TP53I3: variants seen among roughly 807,000 people sequenced by gnomAD.
The protein encoded by TP53I3 is quinone oxidoreductase PIG3.
In TP53I3, 32 loss-of-function variants were observed where a neutral mutation model predicts 27.7. The ratio of observed to expected loss-of-function variants is 1.16; its 90% CI spans 0.87 to 1.55. TP53I3 has a LOEUF of 1.55. Among genes scored for constraint, TP53I3 ranks in the 40% most tolerant of loss-of-function variants. TP53I3 has a pLI of 0.00. For missense variants in TP53I3, 372 were observed against 412.3 expected, an observed-to-expected ratio of 0.90 and a Z score of 0.85; for synonymous variants, 138 against 167.8, an observed-to-expected ratio of 0.82 and a Z score of 1.37.
intron 3 of TP53I3, 32 bp from the exon 4 acceptor site, chr2:24,079,672 C>T: frequency 1.9e-6 from 3 of 1,599,256 alleles, no homozygotes; most frequent in Non-Finnish European, 2.6e-6. Context: ...TGATGCTAGT[C>T]AGCTTGGTGC....
intron 2 of TP53I3, among the ~76,000 whole-genome samples, chr2:24,081,647 A>ATCCT (rs1485207344): frequency 6.6e-6 from 1 of 150,878 alleles, no homozygotes. Flanking sequence ...CACAATAGTC[A>ATCCT]TCCTTCACTA....
rs35680500 is a variant in TP53I3 at position 24,080,441 on chromosome 2, T to TA, written c.619+377dup. Among the ~76,000 whole-genome samples the TA allele has an allele frequency of 2.0e-5, 3 of 152,048 alleles. No individual in the cohort carries two copies. The highest frequency in any genetic ancestry group is 2.0e-4 in the Admixed American group (3 of 15,262). The stretch of plus-strand genomic sequence containing the variant: ...GAATACAGAGGTGTGCACATCTACT[T>TA]ACTCATTTAGGGTGCTACCACCCAA... On this transcript the variant is annotated intron_variant, in intron 3 of 4. Transcript: ENST00000238721. This position sits in a 1 kb window ranked among gnomAD's most constrained non-coding sequence, Gnocchi z 4.7.
chr2:24,084,061 G>A lies in TP53I3; in HGVS notation c.138+128C>T, dbSNP rs1051964937. The A allele has an allele frequency of 9.6e-5, 133 of 1,384,632 alleles. No homozygotes were observed. Among genetic ancestry groups the A allele is most frequent in the Non-Finnish European group, 1.2e-4 (125 of 1,053,206 alleles). The allele number at this position is 1,384,632 out of a possible 1,614,324, so 85.8% of individuals were successfully genotyped here. A position where few individuals can be genotyped will look rare whatever the true frequency, so the allele number is the denominator to read the frequency against. Reference sequence around the variant, plus strand: ...GGCGCCCTGGGTTTAGGTCTGGGAAGCCCCAGCGCAGCTGCCTGCTGGGTG... The same window carrying A: ...GGCGCCCTGGGTTTAGGTCTGGGAAACCCCAGCGCAGCTGCCTGCTGGGTG... On this transcript the variant is annotated intron_variant, in intron 1 of 4. Coordinates refer to ENST00000238721, the MANE Select transcript of TP53I3 (RefSeq NM_004881.5). This position sits in a 1 kb window ranked among gnomAD's most constrained non-coding sequence, Gnocchi z 8.4.
Position 24,077,614 on chromosome 2 carries a change from TC to T in TP53I3, c.963del (p.Asn322ThrfsTer2). ...AGTTCCAGGACGATCTTGCCTATGT[TC>T]TTGTTGGCCTCCATGTACTTATGGG... Reference protein sequence around the residue: ...QEAHKYMEANKNIGKIVLELP... With the variant: ...QEAHKYMEANXNIGKIVLELP... On this transcript the variant is annotated frameshift_variant, in exon 5 of 5. Transcript: ENST00000238721. LOFTEE classifies it high-confidence loss of function. This position sits in a 1 kb window ranked among gnomAD's most constrained non-coding sequence, Gnocchi z 5.5. 2 of 1,614,014 alleles carry T rather than the reference TC, an allele frequency of 1.2e-6. No homozygotes were observed. Among genetic ancestry groups the T allele is most frequent in the Non-Finnish European group, 1.7e-6 (2 of 1,179,960 alleles).
In TP53I3 at chr2:24,084,350, GCAGGGCAGGACAGGA is replaced by G. The variant is rs753674306; in HGVS notation, c.-39_-25del. 10 of 1,399,502 alleles carry G rather than the reference GCAGGGCAGGACAGGA, an allele frequency of 7.1e-6. No homozygotes were observed. The Admixed American group carries it at 9.0e-5, about 13-fold the overall frequency. 86.7% of individuals were successfully genotyped at this position (1,399,502 alleles called of 1,614,324 possible). On this transcript the variant is annotated 5_prime_UTR_variant, in exon 1 of 5. Transcript: ENST00000238721. This position sits in a 1 kb window ranked among gnomAD's most constrained non-coding sequence, Gnocchi z 8.4. ...ATATTGTCTGAGGACACAGGGCAGG[GCAGGGCAGGACAGGA>G]CAGGGCAGGGCAGGGCAGGACAGGA...
Position 24,083,133 on chromosome 2 carries a change from G to A in TP53I3, c.158C>T (p.Pro53Leu), listed in dbSNP as rs199779930. 27 of 1,612,208 alleles carry A rather than the reference G, an allele frequency of 1.7e-5. No homozygotes were observed. Among genetic ancestry groups the A allele is most frequent in the Middle Eastern group, 1.7e-4 (1 of 6,052 alleles). Residue 53 changes from proline (P) to leucine (L), a missense_variant, in exon 2 of 5, where the codon CCA (proline) becomes CTA (leucine). Physicochemically the swap from Pro to Leu is moderately conservative, Grantham distance 98. Transcript: ENST00000238721. ...DLMQRQGQYD[P>L]PPGASNILGL... ...CAAAATGTTGCTGGCTCCTGGAGGT[G>A]GGTCATACTGGCCTTGTCTCTGCAG...
chr2:24,084,407 A>T lies in TP53I3; in HGVS notation c.-81T>A. The T allele has an allele frequency of 7.0e-7, 1 of 1,437,704 alleles. No homozygotes were observed. The highest frequency in any genetic ancestry group is 9.2e-7 in the Non-Finnish European group (1 of 1,081,098). 89.1% of individuals were successfully genotyped at this position (1,437,704 alleles called of 1,614,324 possible). On this transcript the variant is annotated 5_prime_UTR_variant, in exon 1 of 5. Coordinates refer to ENST00000238721, the MANE Select transcript of TP53I3 (RefSeq NM_004881.5). The surrounding 1 kb of genome is among the most constrained non-coding windows in gnomAD (Gnocchi z 8.4). ...AGGACAGGACAGGGCAGGGCAGGAC[A>T]GGACAGGGCAGGGGCCGCTGTATCC...
chr2:24,078,185 C>A (rs13415197), intron 4 of TP53I3, among the ~76,000 whole-genome samples: 17,760 of 151,960 alleles, frequency 0.12, 1,233 homozygotes, highest in South Asian at 0.18. Flanking sequence ...AGTTTTACAC[C>A]CCCCACCCCC....
chr2:24,078,617 C>T (rs1266512908), intron 4 of TP53I3, among the ~76,000 whole-genome samples: 1 of 152,108 alleles, frequency 6.6e-6, no homozygotes, highest in Non-Finnish European at 1.5e-5. Flanking sequence ...TCCCTTGTAC[C>T]TCCAAATGTG....
intron 2 of TP53I3, 21 bp downstream of exon 2, chr2:24,082,864 T>A: frequency 1.3e-6 from 2 of 1,582,040 alleles, no homozygotes; most frequent in Non-Finnish European, 1.7e-6. Context: ...TTGTGTGGAG[T>A]GAGCATGGAG....
rs138677805 is a variant in TP53I3 at position 24,080,835 on chromosome 2, C to T, written c.603G>A (p.Thr201=). Residue 201 remains threonine (T), a synonymous_variant, in exon 3 of 5, where the codon ACG becomes ACA. Transcript: ENST00000238721. This position sits in a 1 kb window ranked among gnomAD's most constrained non-coding sequence, Gnocchi z 4.7. ...GTTGTTTACCTTTGGTGAATTTCAG[C>T]GTTGCTTCAGAGAAATCCTCTTTTT... ...NYKKEDFSEA[T]LKFTKGAGVN... 5.2e-4 allele frequency: 833 copies of T among 1,614,142 alleles called. 6 individuals carry two copies. In the African/African-American group the frequency reaches 9.6e-3, roughly 19 times the overall value.
intron 4 of TP53I3, chr2:24,079,199 T>C (rs1664888525): frequency 8.1e-6 from 4 of 496,836 alleles, no homozygotes; most frequent in Non-Finnish European, 1.4e-5. Context: ...CTTTCTTCAT[T>C]CTGTTAGAAT....
chr2:24,081,791 G>C (rs141620611), intron 2 of TP53I3, among the ~76,000 whole-genome samples: 1 of 150,404 alleles, frequency 6.6e-6, no homozygotes, highest in Admixed American at 6.6e-5. Flanking sequence ...CCCCCCCTGC[G>C]TTCATGCCAT....
Position 24,083,138 on chromosome 2 carries a change from A to C in TP53I3, c.153T>G (p.Tyr51Ter), listed in dbSNP as rs1447515003. Residue 51 changes from tyrosine to a stop codon, truncating the protein, a stop_gained, in exon 2 of 5, where the codon TAT becomes TAG. Coordinates refer to ENST00000238721, the MANE Select transcript of TP53I3 (RefSeq NM_004881.5). LOFTEE classifies it high-confidence loss of function. ...TGTTGCTGGCTCCTGGAGGTGGGTC[A>C]TACTGGCCTTGTCTCTGCAGAGAAA... Reference protein sequence around the residue: ...RADLMQRQGQYDPPPGASNIL... With the variant: ...RADLMQRQGQ 6.2e-7 allele frequency: 1 copy of C among 1,611,384 alleles called. No homozygotes were observed. Among genetic ancestry groups the C allele is most frequent in the Non-Finnish European group, 8.5e-7 (1 of 1,178,220 alleles).
Position 24,084,306 on chromosome 2 carries a change from G to C in TP53I3, c.21C>G (p.Asp7Glu). MLAVHF[D>E]KPGGPENLYV... ...AGAGGTTTTCCGGTCCTCCCGGCTT[G>C]TCAAAGTGCACGGCTAACATATTGT... Residue 7 changes from aspartate to glutamate, a missense_variant, in exon 1 of 5, where the codon GAC becomes GAG. Physicochemically the swap from Asp to Glu is conservative, Grantham distance 45 (BLOSUM62 2). Coordinates refer to ENST00000238721, the MANE Select transcript of TP53I3 (RefSeq NM_004881.5). The surrounding 1 kb of genome is among the most constrained non-coding windows in gnomAD (Gnocchi z 8.4). 6.2e-7 allele frequency: 1 copy of C among 1,614,004 alleles called. No individual in the cohort carries two copies. The highest frequency in any genetic ancestry group is 2.2e-5 in the East Asian group (1 of 44,874).
In TP53I3 at chr2:24,084,672, C is replaced by T. The variant is rs774528510; in HGVS notation, c.-346G>A. 1 of 210,620 alleles carries T rather than the reference C, an allele frequency of 4.7e-6. No individual in the cohort carries two copies. Among genetic ancestry groups the T allele is most frequent in the Non-Finnish European group, 9.4e-6 (1 of 106,370 alleles). The allele number at this position is 210,620 out of a possible 1,614,324, so 13.0% of individuals were successfully genotyped here. A position where few individuals can be genotyped will look rare whatever the true frequency, so the allele number is the denominator to read the frequency against. On this transcript the variant is annotated 5_prime_UTR_variant, in exon 1 of 5. Coordinates refer to ENST00000238721, the MANE Select transcript of TP53I3 (RefSeq NM_004881.5). This position sits in a 1 kb window ranked among gnomAD's most constrained non-coding sequence, Gnocchi z 8.4. Reference sequence around the variant, plus strand: ...AAGAGGATCAGGCAAATCACACTCCCTCTGAGTTGGAAGCCCCCAGCCCGA... The same window carrying T: ...AAGAGGATCAGGCAAATCACACTCCTTCTGAGTTGGAAGCCCCCAGCCCGA...
rs780372348 is a variant in TP53I3 at position 24,079,475 on chromosome 2, A to G, written c.785T>C (p.Ile262Thr). 89 of 1,614,056 alleles carry G rather than the reference A, an allele frequency of 5.5e-5. No homozygotes were observed. The highest frequency in any genetic ancestry group is 7.4e-5 in the Non-Finnish European group (87 of 1,180,042). ...GTCCCTAGACCTCAGCAAACTGGTG[A>G]TCAGACTTCCTCGCTTAAAAAGTAG... ...SKLLFKRGSL[I>T]TSLLRSRDNK... The change falls in exon 4 of 5, where the codon ATC becomes ACC. Residue 262 changes from isoleucine to threonine, a missense_variant. Coordinates refer to ENST00000238721, the MANE Select transcript of TP53I3 (RefSeq NM_004881.5).
In TP53I3 at chr2:24,084,073, C is replaced by T. The variant is rs890240641; in HGVS notation, c.138+116G>A. 1.3e-5 allele frequency: 18 copies of T among 1,424,304 alleles called. No individual in the cohort carries two copies. The African/African-American group carries it at 2.4e-4, about 19-fold the overall frequency. The allele number at this position is 1,424,304 out of a possible 1,614,324, so 88.2% of individuals were successfully genotyped here. A position where few individuals can be genotyped will look rare whatever the true frequency, so the allele number is the denominator to read the frequency against. On this transcript the variant is annotated intron_variant, in intron 1 of 4. Coordinates refer to ENST00000238721, the MANE Select transcript of TP53I3 (RefSeq NM_004881.5). The surrounding 1 kb of genome is among the most constrained non-coding windows in gnomAD (Gnocchi z 8.4). ...TTAGGTCTGGGAAGCCCCAGCGCAG[C>T]TGCCTGCTGGGTGTGGAGCGGTGCA... is the stretch of plus-strand genomic sequence containing the variant.
At chr2:24,081,458 C>T (rs1664998526) in intron 2 of TP53I3, among the ~76,000 whole-genome samples, 2 of 152,200 alleles carry the variant, frequency 1.3e-5, no homozygotes, top group East Asian at 1.9e-4. Flanking sequence ...TGGCCTCCAG[C>T]TGGTCTTCCT....
Sources: allele counts gnomAD v4.1 joint callset (sites outside exome capture counted in the v4.1 genomes callset), GRCh38; gene constraint gnomAD v4.1.1; non-coding constraint Gnocchi (gnomAD v3.1); transcripts MANE v1.5; gene names NCBI Gene and HGNC (gene_info 2026-07-23, HGNC 2026-07-21).